TRANK1: variants seen among roughly 807,000 people sequenced by gnomAD.
TRANK1 encodes the protein TPR and ankyrin repeat-containing protein 1.
In TRANK1, 198 loss-of-function variants were observed where a neutral mutation model predicts 266.0. The observed-to-expected ratio is 0.74, with a 90% CI of 0.66 to 0.84. The LOEUF (loss-of-function observed/expected upper bound fraction) is 0.84, where lower values mean the gene tolerates loss of function less well. TRANK1 is among the 40% of genes least tolerant of loss of function. The probability of loss-of-function intolerance (pLI) is 0.00; values close to 1 mark genes in which losing one functional copy is unlikely to be tolerated. For missense variants in TRANK1, 3,326 were observed against 3,634.6 expected (o/e 0.92, Z 2.18); for synonymous variants, 1,396 against 1,384.1 (o/e 1.01, Z -0.19).
At chr3:36,925,592 CTT>C (rs766901220) in intron 1 of TRANK1, among the ~76,000 whole-genome samples, 118 of 138,322 alleles carry the variant, frequency 8.5e-4, no homozygotes, top group African/African-American at 1.6e-3. Context: ...TTGAATCTTT[CTT>C]TTTTTTTTTT....
chr3:36,917,793 G>A (rs2080146874), intron 1 of TRANK1, among the ~76,000 whole-genome samples: 1 of 152,080 alleles, frequency 6.6e-6, no homozygotes, highest in Non-Finnish European at 1.5e-5. Context: ...GAGTAAAAAT[G>A]TTTACTCTTT....
At position 36,908,467 on chromosome 3, in the gene TRANK1, G is replaced by T. The variant is rs939747586; in HGVS notation, c.24-13C>A. ...TGTCAGGTCCATCCTGTGAGGAGAC[G>T]GGGGAGACGCTTGCTGCCAGACCCG... On this transcript the variant is annotated splice_polypyrimidine_tract_variant and intron_variant, in intron 1 of 23. Coordinates refer to ENST00000645898, the MANE Select transcript of TRANK1 (RefSeq NM_001329998.2). 3 of 1,232,036 alleles carry T rather than the reference G, an allele frequency of 2.4e-6. No homozygotes were observed. Among genetic ancestry groups the T allele is most frequent in the East Asian group, 3.2e-5 (1 of 31,712 alleles). 76.3% of individuals were successfully genotyped at this position (1,232,036 alleles called of 1,614,324 possible).
chr3:36,906,472 T>C (rs2079969789), intron 2 of TRANK1, among the ~76,000 whole-genome samples: 1 of 152,202 alleles, frequency 6.6e-6, no homozygotes, highest in African/African-American at 2.4e-5. Flanking sequence ...CAAATACTGT[T>C]CTTTTTATGG....
At position 36,831,358 on chromosome 3, in the gene TRANK1, G is replaced by GT; in HGVS notation, c.8224dup (p.Thr2742AsnfsTer29). ...CTCCTCCCTGACACGCTCCATCTGG[G>GT]TGCCCACTCTTCTCCTCCAACTGAT... On this transcript the variant is annotated frameshift_variant, in exon 22 of 24. Transcript: ENST00000645898. LOFTEE classifies it high-confidence loss of function. The surrounding 1 kb of genome is among the most constrained non-coding windows in gnomAD (Gnocchi z 5.0). 6.2e-7 allele frequency: 1 copy of GT among 1,613,372 alleles called. No homozygotes were observed. Among genetic ancestry groups the GT allele is most frequent in the Non-Finnish European group, 8.5e-7 (1 of 1,179,696 alleles).
rs571477487 is a variant in TRANK1 at position 36,943,487 on chromosome 3, C to G, written c.23+1300G>C. Among the ~76,000 whole-genome samples the G allele has an allele frequency of 8.3e-5, 11 of 132,548 alleles. No homozygotes were observed. The South Asian group carries it at 2.1e-3, about 26-fold the overall frequency. 87.0% of individuals were successfully genotyped at this position (132,548 alleles called of 152,430 possible). On this transcript the variant is annotated intron_variant, in intron 1 of 23. Transcript: ENST00000645898. ...CCTATCCCACCTCTACCCACCCCCC[C>G]ACCCCCCGCAGAGGATGCAAAAGCC...
In TRANK1 at chr3:36,831,583, T is replaced by A; in HGVS notation, c.8000A>T (p.Glu2667Val). The A allele has an allele frequency of 6.2e-7, 1 of 1,613,700 alleles. No homozygotes were observed. Among genetic ancestry groups the A allele is most frequent in the Non-Finnish European group, 8.5e-7 (1 of 1,179,736 alleles). The change falls in exon 22 of 24, where the codon GAG becomes GTG. Residue 2667 changes from glutamate to valine, a missense_variant. Physicochemically the swap from Glu to Val is moderately radical, Grantham distance 121. Transcript: ENST00000645898. The surrounding 1 kb of genome is among the most constrained non-coding windows in gnomAD (Gnocchi z 5.0). ...ACAGAGCAGGCGGTTTAGTCTGACC[T>A]CCTCATAATAGAGGCCACGGACTAT... is the stretch of plus-strand genomic sequence containing the variant. ...GSIVRGLYYE[E>V]VRLNRLLCLD...
Position 36,846,414 on chromosome 3 carries a change from A to G in TRANK1, c.5035-10T>C, listed in dbSNP as rs768188595. ...GCTCTCCGTTGAGGAGCTAAAGATA[A>G]CATTGAGGACAAAGATGATGAGCCA... On this transcript the variant is annotated splice_polypyrimidine_tract_variant and intron_variant, in intron 16 of 23. Coordinates refer to ENST00000645898, the MANE Select transcript of TRANK1 (RefSeq NM_001329998.2). The G allele has an allele frequency of 3.1e-6, 5 of 1,607,464 alleles. No individual in the cohort carries two copies. In the East Asian group the frequency reaches 1.1e-4, roughly 36 times the overall value.
At chr3:36,883,714 T>A (rs1302903951) in intron 8 of TRANK1, among the ~76,000 whole-genome samples, 1 of 152,108 alleles carries the variant, frequency 6.6e-6, no homozygotes, top group Non-Finnish European at 1.5e-5. Context: ...GGAAGTGACA[T>A]TTCTTTAAGC....
intron 3 of TRANK1, among the ~76,000 whole-genome samples, chr3:36,900,675 A>G (rs2079861357): frequency 6.6e-6 from 1 of 151,826 alleles, no homozygotes; most frequent in Non-Finnish European, 1.5e-5. Context: ...CAGGAGTTCA[A>G]GACCAGCCTG....
intron 9 of TRANK1, among the ~76,000 whole-genome samples, chr3:36,869,811 C>T (rs2079279709): frequency 6.6e-6 from 1 of 152,220 alleles, no homozygotes; most frequent in South Asian, 2.1e-4. Context: ...GCATGAGCCA[C>T]ACACATTTCA....
At chr3:36,841,978 C>T (rs748987379) in intron 18 of TRANK1, among the ~76,000 whole-genome samples, 3 of 151,968 alleles carry the variant, frequency 2.0e-5, no homozygotes, top group Non-Finnish European at 4.4e-5. Context: ...TCAAGGGAGA[C>T]ACACATCCCA....
intron 11 of TRANK1, among the ~76,000 whole-genome samples, chr3:36,859,379 C>T (rs942583194): frequency 6.6e-6 from 1 of 151,860 alleles, no homozygotes; most frequent in Non-Finnish European, 1.5e-5. Context: ...ATCAACCTGT[C>T]ACCTACATTA....
At chr3:36,934,625 A>G (rs1054743501) in intron 1 of TRANK1, among the ~76,000 whole-genome samples, 3 of 152,150 alleles carry the variant, frequency 2.0e-5, no homozygotes, top group Non-Finnish European at 4.4e-5. Flanking sequence ...GTAGTACCTG[A>G]CAAGGCCTCG....
At chr3:36,884,881 T>C (rs9833928) in intron 8 of TRANK1, among the ~76,000 whole-genome samples, 49,360 of 148,540 alleles carry the variant, frequency 0.33, 9,106 homozygotes, top group East Asian at 0.57. Context: ...TGCAGTGAGC[T>C]GAGATCGCGC....
intron 1 of TRANK1, among the ~76,000 whole-genome samples, chr3:36,919,895 G>T (rs1484254686): frequency 2.6e-5 from 4 of 152,148 alleles, no homozygotes; most frequent in African/African-American, 7.2e-5. Flanking sequence ...CTTTTGTGAA[G>T]CTCCAAATAG....
chr3:36,832,925 A>G lies in TRANK1; in HGVS notation c.6658T>C (p.Cys2220Arg). The G allele has an allele frequency of 3.1e-6, 5 of 1,613,328 alleles. No individual in the cohort carries two copies. The highest frequency in any genetic ancestry group is 4.2e-6 in the Non-Finnish European group (5 of 1,179,500). ...HRPLRRCEAK[C>R]LVQSKMNLVA... ...AAGTTCATTTTCGACTGAACTAAAC[A>G]CTTGGCTTCACAACGCCGCAGAGGC... Residue 2220 changes from cysteine to arginine, a missense_variant, in exon 22 of 24, where the codon TGT becomes CGT. Transcript: ENST00000645898.
rs768755698 is a variant in TRANK1 at position 36,831,846 on chromosome 3, T to C, written c.7737A>G (p.Pro2579=). The C allele has an allele frequency of 5.0e-6, 8 of 1,613,890 alleles. No homozygotes were observed. Among genetic ancestry groups the C allele is most frequent in the African/African-American group, 1.3e-5 (1 of 74,936 alleles). Residue 2579 remains proline (P), a synonymous_variant, in exon 22 of 24, where the codon CCA becomes CCG. Coordinates refer to ENST00000645898, the MANE Select transcript of TRANK1 (RefSeq NM_001329998.2). The surrounding 1 kb of genome is among the most constrained non-coding windows in gnomAD (Gnocchi z 5.0). ...GGCGATACAGGAGAGGCTTGCAGTA[T>C]GGCTGCAGGATCTCCTCAGCATTCA... is the stretch of plus-strand genomic sequence containing the variant. ...MLVNAEEILQ[P]YCKPLLYRHF... is the part of the protein sequence containing the mutation.
chr3:36,894,150 T>C (rs559973290), intron 5 of TRANK1, among the ~76,000 whole-genome samples: 1 of 152,358 alleles, frequency 6.6e-6, no homozygotes, highest in African/African-American at 2.4e-5. Flanking sequence ...CCACTTGGGC[T>C]GGATTCCTGG....
At chr3:36,939,124 G>A (rs963534446) in intron 1 of TRANK1, among the ~76,000 whole-genome samples, 5 of 151,506 alleles carry the variant, frequency 3.3e-5, no homozygotes, top group Admixed American at 2.0e-4. Flanking sequence ...GCAACAGAGC[G>A]AAACCCTGTC....
Sources: gnomAD v4.1 joint callset for allele counts (sites outside exome capture counted in the v4.1 genomes callset) on GRCh38, gnomAD v4.1.1 for gene constraint, Gnocchi (gnomAD v3.1) non-coding constraint, MANE v1.5 for transcripts, NCBI Gene and HGNC (gene_info 2026-07-23, HGNC 2026-07-21) for gene names.